Variants in ACSM1 observed in about 807,000 individuals in gnomAD.
ACSM1 encodes acyl-CoA synthetase medium chain family member 1, also known as acyl-coenzyme A synthetase ACSM1, mitochondrial.
ACSM1 carries 79 observed loss-of-function variants against 75.8 expected under a neutral mutation model. The ratio of observed to expected loss-of-function variants is 1.04; its 90% CI spans 0.87 to 1.26. ACSM1 has a LOEUF of 1.26. Among genes scored for constraint, ACSM1 ranks in the 50% most tolerant of loss-of-function variants. The pLI is 0.00. For missense variants in ACSM1, 676 were observed against 720.1 expected (o/e 0.94, Z 0.70); for synonymous variants, 279 against 265.8 (o/e 1.05, Z -0.48).
chr16:20,634,145 A>G (rs1409812488), intron 10 of ACSM1, among the ~76,000 whole-genome samples: 3 of 152,206 alleles, frequency 2.0e-5, no homozygotes, highest in African/African-American at 7.2e-5. Flanking sequence ...TCGTCAACAA[A>G]TAGTGCTGGG....
chr16:20,647,939 C>T (rs768008514), intron 7 of ACSM1, among the ~76,000 whole-genome samples: 7 of 152,184 alleles, frequency 4.6e-5, no homozygotes, highest in Non-Finnish European at 7.3e-5. Context: ...CATCATGCAC[C>T]TGCCCTTTTG....
rs140233108 is a variant in ACSM1, at chr16:20,625,436, G to A, written c.1514C>T (p.Pro505Leu). The A allele has an allele frequency of 6.8e-6, 11 of 1,613,992 alleles. No homozygotes were observed. The highest frequency in any genetic ancestry group is 6.7e-5 in the Admixed American group (4 of 60,014). Residue 505 changes from proline (P) to leucine (L), a missense_variant, in exon 12 of 14, where the codon CCG (proline) becomes CTG (leucine). Transcript: ENST00000520010. ...AESAVVGSPD[P>L]IRGEVVKAFI... ...TGTTCTCCTCACCTCCCCTCGAATC[G>A]GGTCTGGGCTGCCCACCACGGCTGA...
intron 4 of ACSM1, among the ~76,000 whole-genome samples, chr16:20,672,444 A>C (rs407115): frequency 1.1e-5 from 1 of 94,018 alleles, no homozygotes; most frequent in East Asian, 4.6e-4. Context: ...GCAAAACTCC[A>C]TCTCAAAAAA....
At chr16:20,623,749 A>G (rs1411794390) in intron 13 of ACSM1, among the ~76,000 whole-genome samples, 177 bp from the exon 14 acceptor site, 1 of 152,132 alleles carries the variant, frequency 6.6e-6, no homozygotes, top group African/African-American at 2.4e-5. Flanking sequence ...AGGTGGATGT[A>G]CCCATGGGAT....
chr16:20,693,681 T>G (rs941616840), intron 1 of ACSM1, among the ~76,000 whole-genome samples: 1 of 152,198 alleles, frequency 6.6e-6, no homozygotes, highest in Non-Finnish European at 1.5e-5. Flanking sequence ...TGTTCTCCAG[T>G]TTGATGCAGT....
intron 10 of ACSM1, among the ~76,000 whole-genome samples, chr16:20,629,188 C>T (rs1034846483): frequency 1.3e-5 from 2 of 151,914 alleles, no homozygotes; most frequent in Non-Finnish European, 2.9e-5. Flanking sequence ...GTTATAAATG[C>T]CTTCTGTTTA....
chr16:20,631,978 C>T (rs1159313778), intron 10 of ACSM1, among the ~76,000 whole-genome samples: 2 of 152,094 alleles, frequency 1.3e-5, no homozygotes. Flanking sequence ...ACCACCTGTA[C>T]CCCCAAAACT....
At chr16:20,651,613 G>T (rs1358764016) in intron 7 of ACSM1, among the ~76,000 whole-genome samples, 2 of 152,004 alleles carry the variant, frequency 1.3e-5, no homozygotes, top group African/African-American at 2.4e-5. Flanking sequence ...GACTGAGCAA[G>T]ACTGTCTCAA....
chr16:20,672,978 A>G (rs2152276086), intron 4 of ACSM1, among the ~76,000 whole-genome samples: 1 of 142,216 alleles, frequency 7.0e-6, no homozygotes, highest in Admixed American at 7.2e-5. Context: ...AAATTTATAT[A>G]TAAAATTATA....
Position 20,682,280 on chromosome 16 carries a change from C to A in ACSM1, c.587G>T (p.Trp196Leu). Residue 196 changes from tryptophan to leucine, a missense_variant, in exon 4 of 14, where the codon TGG becomes TTG. Transcript: ENST00000520010. ...LLVSDHSREG[W>L]LDFRSLVKSA... ...CTTAACCAGCGATCGGAAGTCCAGC[C>A]ACCCTTCACGGCTGTGATCAGACAC... 6.2e-7 allele frequency: 1 copy of A among 1,613,386 alleles called. No individual in the cohort carries two copies. The highest frequency in any genetic ancestry group is 1.1e-5 in the South Asian group (1 of 91,046).
rs1567296239 is a variant in ACSM1 at position 20,672,474 on chromosome 16, AT to A, written c.612-804del. On this transcript the variant is annotated intron_variant, in intron 4 of 13. Coordinates refer to ENST00000520010, the MANE Select transcript of ACSM1 (RefSeq NM_001318890.3). ...AAAAAAAAAAAAAAAAAAAAAAAAT[AT>A]ATATATATATATATATATATAAAAA... Among the ~76,000 whole-genome samples the A allele has an allele frequency of 4.3e-3, 375 of 87,794 alleles. 4 individuals are homozygous for A. The highest frequency in any genetic ancestry group is 9.8e-3 in the African/African-American group (196 of 20,076). 57.6% of individuals were successfully genotyped at this position (87,794 alleles called of 152,430 possible). A position where few individuals can be genotyped will look rare whatever the true frequency, so the allele number is the denominator to read the frequency against.
chr16:20,636,322 T>C (rs234993), intron 10 of ACSM1, among the ~76,000 whole-genome samples: 12,152 of 152,238 alleles, frequency 0.08, 631 homozygotes, highest in East Asian at 0.21. Context: ...ACCATTTATT[T>C]GATGTGCAGA....
chr16:20,665,982 C>T (rs1312697015), intron 6 of ACSM1, among the ~76,000 whole-genome samples: 6 of 152,010 alleles, frequency 3.9e-5, no homozygotes, highest in African/African-American at 1.4e-4. Flanking sequence ...AAAGAACATA[C>T]CTCTAAATAA....
At chr16:20,656,427 G>T (rs1336083581) in intron 7 of ACSM1, among the ~76,000 whole-genome samples, 2 of 152,104 alleles carry the variant, frequency 1.3e-5, no homozygotes, top group Non-Finnish European at 1.5e-5. Flanking sequence ...TTAAAGTCAT[G>T]ATTTAACCCT....
intron 7 of ACSM1, among the ~76,000 whole-genome samples, chr16:20,654,396 A>T (rs1370055384): frequency 6.6e-6 from 1 of 152,228 alleles, no homozygotes. Context: ...CAAAATCGAC[A>T]AATGGGATCT....
chr16:20,691,523 G>T (rs1044238272), intron 1 of ACSM1, among the ~76,000 whole-genome samples: 4 of 152,016 alleles, frequency 2.6e-5, no homozygotes, highest in African/African-American at 4.8e-5. Flanking sequence ...GAAGCCATAT[G>T]GTCATCCCTT....
chr16:20,686,001 C>T (rs1409873223), intron 2 of ACSM1, among the ~76,000 whole-genome samples: 1 of 152,022 alleles, frequency 6.6e-6, no homozygotes, highest in African/African-American at 2.4e-5. Flanking sequence ...TGCCTTAATT[C>T]CATATGGACT....
At chr16:20,647,355 CT>C (rs1052746393) in intron 7 of ACSM1, among the ~76,000 whole-genome samples, 1 of 152,200 alleles carries the variant, frequency 6.6e-6, no homozygotes, top group Non-Finnish European at 1.5e-5. Flanking sequence ...GTCATGCATG[CT>C]TAATGGACCA....
intron 6 of ACSM1, among the ~76,000 whole-genome samples, chr16:20,663,220 G>A (rs2019386466): frequency 6.6e-6 from 1 of 152,074 alleles, no homozygotes; most frequent in African/African-American, 2.4e-5. Flanking sequence ...CATTATCTCA[G>A]GTAGCAGAGC....
Sources: gnomAD v4.1 joint callset for allele counts (sites outside exome capture counted in the v4.1 genomes callset) on GRCh38, gnomAD v4.1.1 for gene constraint, MANE v1.5 for transcripts, NCBI Gene and HGNC (gene_info 2026-07-23, HGNC 2026-07-21) for gene names.